The following TSEN15 variants were observed in gnomAD, a reference collection of about 807,000 sequenced individuals.
TSEN15 encodes tRNA splicing endonuclease subunit 15, also known as tRNA-splicing endonuclease subunit Sen15.
In TSEN15, 10 loss-of-function variants were observed where a neutral mutation model predicts 20.5. The ratio of observed to expected loss-of-function variants is 0.49; its 90% CI spans 0.30 to 0.83. The LOEUF (loss-of-function observed/expected upper bound fraction) is 0.83. TSEN15 is among the 40% of genes least tolerant of loss of function. TSEN15 has a pLI of 0.06. For missense variants in TSEN15, 180 were observed against 218.6 expected (o/e 0.82, Z 1.11); for synonymous variants, 72 against 80.1 (o/e 0.90, Z 0.54).
chr1:184,079,707 A>G (rs891347962), intron 3 of TSEN15, among the ~76,000 whole-genome samples: 5 of 152,130 alleles, frequency 3.3e-5, no homozygotes, highest in Admixed American at 1.3e-4. Flanking sequence ...TTACCTCCCT[A>G]AAGGCCTTAT....
intron 3 of TSEN15, among the ~76,000 whole-genome samples, chr1:184,092,927 A>T (rs1166731807): frequency 6.6e-6 from 1 of 152,206 alleles, no homozygotes; most frequent in Non-Finnish European, 1.5e-5. Context: ...TGTTTTAAAT[A>T]GTCATTCTTT....
intron 3 of TSEN15, among the ~76,000 whole-genome samples, chr1:184,063,015 G>A (rs564384848): frequency 9.9e-5 from 15 of 152,070 alleles, no homozygotes; most frequent in Middle Eastern, 3.4e-3. Flanking sequence ...TTAGTAATAC[G>A]TGAATCATTC....
At chr1:184,061,593 A>G (rs1469595027) in intron 3 of TSEN15, among the ~76,000 whole-genome samples, 1 of 152,196 alleles carries the variant, frequency 6.6e-6, no homozygotes, top group Non-Finnish European at 1.5e-5. Context: ...TAGTGATGAC[A>G]AATAGTCCCA....
intron 3 of TSEN15, among the ~76,000 whole-genome samples, chr1:184,088,012 G>A (rs1188498101): frequency 9.9e-5 from 15 of 152,124 alleles, no homozygotes; most frequent in African/African-American, 3.6e-4. Flanking sequence ...ACAAGGCTTC[G>A]TAATTTTATG....
intron 3 of TSEN15, among the ~76,000 whole-genome samples, chr1:184,086,474 G>C (rs1393928236): frequency 6.6e-6 from 1 of 152,178 alleles, no homozygotes; most frequent in Non-Finnish European, 1.5e-5. Flanking sequence ...TAAAACAATA[G>C]TTTTTGTGGT....
chr1:184,077,407 C>T (rs1482334199), downstream of TSEN15, among the ~76,000 whole-genome samples: 1 of 152,100 alleles, frequency 6.6e-6, no homozygotes, highest in African/African-American at 2.4e-5. Context: ...TGACAATGCA[C>T]CTGGTCACCC....
At chr1:184,053,991 T>C (rs1650150574) in intron 1 of TSEN15, among the ~76,000 whole-genome samples, 1 of 152,250 alleles carries the variant, frequency 6.6e-6, no homozygotes, top group Admixed American at 6.5e-5. Context: ...CTTCTCCACT[T>C]ACTTAAATCA....
exon 4 of TSEN15, chr1:184,096,187 AAT>A (rs1460758203): frequency 6.5e-6 from 1 of 154,182 alleles, no homozygotes. Flanking sequence ...TGTGTCAAGT[AAT>A]ATGACAGCAT....
At chr1:184,072,506 T>A (rs988530083) in intron 4 of TSEN15, 12 of 542,612 alleles carry the variant, frequency 2.2e-5, no homozygotes, top group South Asian at 6.2e-5. Flanking sequence ...AAAAAAAAAA[T>A]TGATTTCCTT....
rs1341183678 is a variant in TSEN15, at chr1:184,072,270, C to T, written c.467C>T (p.Thr156Ile). ...SDSTIVYYKL[T>I]DGFMLPDPQN... is the part of the protein sequence containing the mutation. The stretch of plus-strand genomic sequence containing the variant: ...TCTACAATAGTCTATTATAAACTTA[C>T]TGATGGATTTATGCTGCCAGACCCT... The change falls in exon 4 of 5, where the codon ACT (threonine) becomes ATT (isoleucine). Residue 156 changes from threonine (T) to isoleucine (I), a missense_variant. Thr to Ile is a moderately conservative substitution (Grantham distance 89). Around this residue, in one of 3 missense-constraint regions of TSEN15, gnomAD observed 28 missense variants for 28.7 expected, o/e 0.98. Coordinates refer to ENST00000645668, the MANE Select transcript of TSEN15 (RefSeq NM_052965.4). 4 of 1,611,332 alleles carry T rather than the reference C, an allele frequency of 2.5e-6. No homozygotes were observed. Among genetic ancestry groups the T allele is most frequent in the Non-Finnish European group, 3.4e-6 (4 of 1,178,838 alleles).
At chr1:184,054,495 G>A (rs1205303127) in intron 2 of TSEN15, 60 bp downstream of exon 2, 1 of 1,349,830 alleles carries the variant, frequency 7.4e-7, no homozygotes, top group East Asian at 2.3e-5. Context: ...TGGGGGGTTG[G>A]ATTGGGATAT....
chr1:184,080,407 A>G (rs1231538361), intron 3 of TSEN15, among the ~76,000 whole-genome samples: 1 of 152,168 alleles, frequency 6.6e-6, no homozygotes, highest in Non-Finnish European at 1.5e-5. Context: ...CCTGATACCT[A>G]GCACTGTATT....
At chr1:184,064,293 G>T (rs1298575384) in intron 3 of TSEN15, among the ~76,000 whole-genome samples, 1 of 152,140 alleles carries the variant, frequency 6.6e-6, no homozygotes, top group Non-Finnish European at 1.5e-5. Flanking sequence ...GAACAAGGAT[G>T]GGAATGGATG....
At chr1:184,068,981 C>T (rs1650788699) in intron 3 of TSEN15, among the ~76,000 whole-genome samples, 1 of 152,152 alleles carries the variant, frequency 6.6e-6, no homozygotes, top group South Asian at 2.1e-4. Context: ...TTCTTGTCCT[C>T]TGTGTAAATC....
chr1:184,088,324 C>T (rs559248511), intron 3 of TSEN15, among the ~76,000 whole-genome samples: 2 of 152,172 alleles, frequency 1.3e-5, no homozygotes, highest in Admixed American at 6.5e-5. Flanking sequence ...AAGCATCGGA[C>T]GTTAAAAACG....
At chr1:184,075,892 TTA>T (rs1255091578), downstream of TSEN15, among the ~76,000 whole-genome samples, 482 of 144,316 alleles carry the variant, frequency 3.3e-3, 5 homozygotes, top group African/African-American at 9.0e-3. Context: ...GGGGTGGGTT[TTA>T]TATATATATA....
chr1:184,061,934 G>A (rs1033915110), intron 3 of TSEN15, among the ~76,000 whole-genome samples: 7 of 152,130 alleles, frequency 4.6e-5, no homozygotes, highest in Non-Finnish European at 8.8e-5. Flanking sequence ...TTTGTGTTTA[G>A]CATTTTCTGT....
At chr1:184,079,558 G>A (rs1399215274) in intron 3 of TSEN15, among the ~76,000 whole-genome samples, 2 of 152,062 alleles carry the variant, frequency 1.3e-5, no homozygotes, top group African/African-American at 2.4e-5. Context: ...GGGGCATGGC[G>A]AGATTGAGAA....
chr1:184,081,041 T>C (rs1368215821), intron 3 of TSEN15, among the ~76,000 whole-genome samples: 1 of 152,206 alleles, frequency 6.6e-6, no homozygotes, highest in Non-Finnish European at 1.5e-5. Context: ...GTCAAATTAA[T>C]CAGCTTAACT....
Sources: gnomAD v4.1 joint callset for allele counts (sites outside exome capture counted in the v4.1 genomes callset) on GRCh38, gnomAD v4.1.1 for gene constraint, gnomAD v4.1.1 regional missense constraint, MANE v1.5 for transcripts, NCBI Gene and HGNC (gene_info 2026-07-23, HGNC 2026-07-21) for gene names.